Variants in HPSE2 observed in about 807,000 individuals in gnomAD.
The protein encoded by HPSE2 is heparanase 2 (inactive).
HPSE2 carries 38 observed loss-of-function variants against 60.5 expected under a neutral mutation model. The observed-to-expected ratio is 0.63, with a 90% CI of 0.48 to 0.82. The LOEUF (loss-of-function observed/expected upper bound fraction) is 0.82. Ranked by LOEUF, HPSE2 falls within the 40% of genes least tolerant of loss-of-function variation. The pLI is 0.00. For missense variants in HPSE2, 713 were observed against 740.4 expected (o/e 0.96, Z 0.43); for synonymous variants, 295 against 293.2 (o/e 1.01, Z -0.06).
chr10:98,817,693 A>G (rs1951323796), intron 3 of HPSE2, among the ~76,000 whole-genome samples: 1 of 152,174 alleles, frequency 6.6e-6, no homozygotes, highest in Non-Finnish European at 1.5e-5. Context: ...CTGACTCTAA[A>G]GCTTCCCTTG....
intron 3 of HPSE2, among the ~76,000 whole-genome samples, chr10:98,942,402 C>T (rs958650135): frequency 2.6e-4 from 39 of 148,618 alleles, no homozygotes; most frequent in African/African-American, 1.0e-3. Context: ...CAAACAACCC[C>T]ATCAAAAAGT....
chr10:98,994,281 T>C (rs914503426), intron 3 of HPSE2, among the ~76,000 whole-genome samples: 3 of 152,288 alleles, frequency 2.0e-5, no homozygotes, highest in South Asian at 4.2e-4. Context: ...GGTCTCAGTT[T>C]CACAGCAGCC....
intron 3 of HPSE2, among the ~76,000 whole-genome samples, chr10:99,121,290 A>G (rs1484286650): frequency 6.6e-6 from 1 of 152,138 alleles, no homozygotes; most frequent in Non-Finnish European, 1.5e-5. Flanking sequence ...GGGGCCTATC[A>G]GAGGGTGGAG....
At chr10:98,769,299 T>C (rs1185322543) in intron 3 of HPSE2, among the ~76,000 whole-genome samples, 1 of 152,288 alleles carries the variant, frequency 6.6e-6, no homozygotes, top group South Asian at 2.1e-4. Flanking sequence ...TATATGTGTC[T>C]TGAAAGTCTG....
At chr10:98,823,508 C>T in intron 3 of HPSE2, among the ~76,000 whole-genome samples, 1 of 152,076 alleles carries the variant, frequency 6.6e-6, no homozygotes, top group Admixed American at 6.6e-5. Flanking sequence ...TGCCTGTAGT[C>T]CCAGCCACTC....
chr10:98,918,500 T>TA (rs559405751), intron 3 of HPSE2, among the ~76,000 whole-genome samples: 1,882 of 150,754 alleles, frequency 0.012, 29 homozygotes, highest in African/African-American at 0.043. Context: ...TATGCAGCCA[T>TA]AAAAAATGAT....
At chr10:98,620,063 T>C (rs1208770000) in intron 8 of HPSE2, among the ~76,000 whole-genome samples, 3 of 152,224 alleles carry the variant, frequency 2.0e-5, no homozygotes, top group Admixed American at 1.3e-4. Flanking sequence ...TAAATTGTTA[T>C]AAAAGCAGTA....
intron 2 of HPSE2, among the ~76,000 whole-genome samples, chr10:99,151,913 C>A (rs1228428681): frequency 6.6e-6 from 1 of 151,996 alleles, no homozygotes. Context: ...TAGACCCTAT[C>A]TCATAAATAA....
chr10:98,638,433 A>C (rs1305470276), intron 7 of HPSE2, among the ~76,000 whole-genome samples: 1 of 152,186 alleles, frequency 6.6e-6, no homozygotes, highest in African/African-American at 2.4e-5. Flanking sequence ...TGACAGAGCG[A>C]GACTCTGTCA....
At chr10:99,134,668 G>A (rs1011549493) in intron 3 of HPSE2, among the ~76,000 whole-genome samples, 10 of 152,198 alleles carry the variant, frequency 6.6e-5, no homozygotes, top group African/African-American at 2.4e-4. Flanking sequence ...ACAAGTAAAT[G>A]ATGAGAGATT....
At chr10:98,788,705 T>A (rs537444447) in intron 3 of HPSE2, among the ~76,000 whole-genome samples, 5 of 152,068 alleles carry the variant, frequency 3.3e-5, no homozygotes, top group African/African-American at 1.2e-4. Context: ...GTGACCCGAT[T>A]TTCCAGGTGC....
At chr10:99,131,069 C>G (rs1460967110) in intron 3 of HPSE2, among the ~76,000 whole-genome samples, 1 of 152,122 alleles carries the variant, frequency 6.6e-6, no homozygotes, top group Non-Finnish European at 1.5e-5. Context: ...ATCACATAAA[C>G]AGAATTAAAA....
At position 98,499,011 on chromosome 10, in the gene HPSE2, G is replaced by T. The variant is rs771132438; in HGVS notation, c.1321-8815C>A. ...CAAGAAGTCTCGGATTATGTTAAATGATGAAACCTAAGAATAATTGGTGTT... is the reference window on the plus strand; with the variant it reads ...CAAGAAGTCTCGGATTATGTTAAATTATGAAACCTAAGAATAATTGGTGTT... On this transcript the variant is annotated intron_variant, in intron 9 of 11. Transcript: ENST00000370552. Among the ~76,000 whole-genome samples, 55 of 152,282 alleles carry T rather than the reference G, an allele frequency of 3.6e-4. 1 individual carries two copies. The highest frequency in any genetic ancestry group is 6.2e-4 in the South Asian group (3 of 4,824).
At chr10:98,711,510 A>G (rs1055551633) in intron 5 of HPSE2, among the ~76,000 whole-genome samples, 1 of 152,164 alleles carries the variant, frequency 6.6e-6, no homozygotes, top group Non-Finnish European at 1.5e-5. Context: ...TCAGACACTT[A>G]TCTGATTTGT....
At chr10:98,948,317 AG>A (rs1955250570) in intron 3 of HPSE2, among the ~76,000 whole-genome samples, 1 of 152,178 alleles carries the variant, frequency 6.6e-6, no homozygotes, top group Non-Finnish European at 1.5e-5. Context: ...GAGGGGGTAA[AG>A]GGTTTCAAGG....
rs2135779214 is a variant in HPSE2 at position 99,144,257 on chromosome 10, G to C, written c.591C>G (p.Tyr197Ter). 1.9e-6 allele frequency: 3 copies of C among 1,613,974 alleles called. No homozygotes were observed. Among genetic ancestry groups the C allele is most frequent in the East Asian group, 4.5e-5 (2 of 44,868 alleles). The change falls in exon 3 of 12, where the codon TAC becomes TAG. Residue 197 changes from tyrosine (Y) to a stop codon, truncating the protein, a stop_gained. Transcript: ENST00000370552. LOFTEE classifies it high-confidence loss of function. Reference protein sequence around the residue: ...VLLKEQFSNTYSNLILTARSL... With the variant: ...VLLKEQFSNT The stretch of plus-strand genomic sequence containing the variant: ...CCTTACCTGTTAATATGAGATTACT[G>C]TAAGTATTGGAGAATTGCTCCTTTA...
intron 9 of HPSE2, among the ~76,000 whole-genome samples, chr10:98,542,251 A>G (rs1446224249): frequency 1.3e-5 from 2 of 152,166 alleles, no homozygotes; most frequent in Non-Finnish European, 2.9e-5. Flanking sequence ...ACTCCAACAG[A>G]CCTGCAGCTG....
intron 9 of HPSE2, among the ~76,000 whole-genome samples, chr10:98,520,172 T>C (rs567662420): frequency 6.6e-6 from 1 of 152,274 alleles, no homozygotes; most frequent in Admixed American, 6.5e-5. Context: ...CAATCCACCC[T>C]CTGCAGGGCA....
At chr10:98,732,673 A>G (rs554380590) in intron 4 of HPSE2, among the ~76,000 whole-genome samples, 1 of 152,278 alleles carries the variant, frequency 6.6e-6, no homozygotes, top group South Asian at 2.1e-4. Context: ...TAAAACAATG[A>G]AACTTTTAGA....
Sources: gnomAD v4.1 joint callset for allele counts (sites outside exome capture counted in the v4.1 genomes callset) on GRCh38, gnomAD v4.1.1 for gene constraint, MANE v1.5 for transcripts, NCBI Gene and HGNC (gene_info 2026-07-23, HGNC 2026-07-21) for gene names.